RIMS2: variants seen among roughly 807,000 people sequenced by gnomAD.
The protein encoded by RIMS2 is regulating synaptic membrane exocytosis 2.
In RIMS2, 59 loss-of-function variants were observed where a neutral mutation model predicts 174.4. That is an observed-to-expected ratio of 0.34 (90% CI 0.27 to 0.42). The LOEUF is 0.42. Ranked by LOEUF, RIMS2 falls within the 10% of genes least tolerant of loss-of-function variation. The pLI is 1.00. For missense variants in RIMS2, 1,620 were observed against 1,666.3 expected (o/e 0.97, Z 0.48); for synonymous variants, 606 against 572.5 (o/e 1.06, Z -0.84).
intron 19 of RIMS2, among the ~76,000 whole-genome samples, chr8:104,198,543 C>T (rs536580323): frequency 6.6e-6 from 1 of 152,306 alleles, no homozygotes; most frequent in South Asian, 2.1e-4. Flanking sequence ...ACAAGAGTCA[C>T]AATTGAAATA....
Position 104,151,703 on chromosome 8 carries a change from A to G in RIMS2, c.3335-93213A>G, listed in dbSNP as rs184699834. Among the ~76,000 whole-genome samples, 500 of 152,340 alleles carry G rather than the reference A, an allele frequency of 3.3e-3. 4 individuals are homozygous for G. The highest frequency in any genetic ancestry group is 0.011 in the African/African-American group (459 of 41,574). ...TGGAAATGTCTAGAACATTTAAATA[A>G]ACACTTTTGAAGCTTGTGTCAGAAG... On this transcript the variant is annotated intron_variant, in intron 19 of 23. Transcript: ENST00000504942.
At chr8:103,923,937 T>C (rs1423226504) in intron 10 of RIMS2, among the ~76,000 whole-genome samples, 2 of 151,724 alleles carry the variant, frequency 1.3e-5, no homozygotes, top group African/African-American at 2.4e-5. Context: ...CTCTTAGTAA[T>C]ATTGTGGACT....
intron 1 of RIMS2, among the ~76,000 whole-genome samples, chr8:103,583,516 G>A (rs2093733072): frequency 6.6e-6 from 1 of 152,000 alleles, no homozygotes; most frequent in South Asian, 2.1e-4. Context: ...GTTGTGTTGA[G>A]GAAACACAGC....
At chr8:103,908,384 A>G (rs576342299) in intron 4 of RIMS2, among the ~76,000 whole-genome samples, 1 of 152,306 alleles carries the variant, frequency 6.6e-6, no homozygotes, top group Admixed American at 6.5e-5. Context: ...TCCTTCTTAT[A>G]TGTCCACTAG....
chr8:103,999,459 A>G (rs1426329545), intron 17 of RIMS2, among the ~76,000 whole-genome samples: 5 of 151,450 alleles, frequency 3.3e-5, no homozygotes, highest in South Asian at 2.1e-4. Context: ...CTAAATAATT[A>G]TCTTTTGTTG....
chr8:104,216,921 A>C (rs2099132353), intron 19 of RIMS2, among the ~76,000 whole-genome samples: 1 of 152,244 alleles, frequency 6.6e-6, no homozygotes, highest in South Asian at 2.1e-4. Context: ...TAATGGAATT[A>C]ACTACCTTAT....
intron 1 of RIMS2, among the ~76,000 whole-genome samples, chr8:103,633,925 T>G (rs1266531129): frequency 6.6e-6 from 1 of 152,182 alleles, no homozygotes; most frequent in African/African-American, 2.4e-5. Context: ...TCTCTTTTCT[T>G]TATTAGTCTA....
At chr8:103,669,183 C>A (rs191996944) in intron 1 of RIMS2, among the ~76,000 whole-genome samples, 1 of 152,048 alleles carries the variant, frequency 6.6e-6, no homozygotes, top group Non-Finnish European at 1.5e-5. Flanking sequence ...GAGAGCCATG[C>A]GAAAGTGTTT....
intron 3 of RIMS2, chr8:103,880,277 G>C: frequency 5.9e-6 from 1 of 169,162 alleles, no homozygotes; most frequent in South Asian, 2.0e-4. Flanking sequence ...TAAGCGTAGT[G>C]CCCAGAAATG....
chr8:104,190,936 T>G (rs79220200), intron 19 of RIMS2, among the ~76,000 whole-genome samples: 1 of 37,152 alleles, frequency 2.7e-5, no homozygotes, highest in South Asian at 6.4e-4. Context: ...TCTTTTTTTG[T>G]TTTTTTTTTT....
At chr8:104,223,278 T>G in intron 19 of RIMS2, 42 of 689,976 alleles carry the variant, frequency 6.1e-5, no homozygotes, top group Middle Eastern at 7.0e-4. Flanking sequence ...CTCCGGCCGC[T>G]GATTGGCGGG....
At chr8:103,692,910 A>G (rs963946270) in intron 1 of RIMS2, among the ~76,000 whole-genome samples, 1 of 152,154 alleles carries the variant, frequency 6.6e-6, no homozygotes. Context: ...TGCTCCCCTC[A>G]TCCACTGGCT....
At chr8:103,536,181 C>A (rs1419766765) in intron 1 of RIMS2, among the ~76,000 whole-genome samples, 1 of 152,166 alleles carries the variant, frequency 6.6e-6, no homozygotes, top group Non-Finnish European at 1.5e-5. Flanking sequence ...TGATAACCTA[C>A]TTTGGTTGTA....
chr8:104,135,562 C>T (rs373932877), intron 19 of RIMS2, among the ~76,000 whole-genome samples: 2 of 147,690 alleles, frequency 1.4e-5, no homozygotes, highest in East Asian at 2.0e-4. Flanking sequence ...GTTGTGATCA[C>T]GCCAGTGCAC....
chr8:103,671,806 T>A (rs1410313854), intron 1 of RIMS2, among the ~76,000 whole-genome samples: 1 of 152,202 alleles, frequency 6.6e-6, no homozygotes, highest in Non-Finnish European at 1.5e-5. Flanking sequence ...TCACATACAA[T>A]TTTGGAACAT....
intron 1 of RIMS2, among the ~76,000 whole-genome samples, chr8:103,547,577 G>A (rs1162525633): frequency 2.0e-5 from 3 of 152,058 alleles, no homozygotes; most frequent in Non-Finnish European, 4.4e-5. Context: ...TAAATTAACA[G>A]CCTAACATCA....
chr8:103,954,898 T>C (rs1339211421), intron 14 of RIMS2, among the ~76,000 whole-genome samples: 1 of 151,872 alleles, frequency 6.6e-6, no homozygotes, highest in Non-Finnish European at 1.5e-5. Context: ...ATAGATGCAG[T>C]AAAAAATGAT....
At chr8:104,009,004 C>T (rs1231401297) in intron 17 of RIMS2, among the ~76,000 whole-genome samples, 1 of 151,920 alleles carries the variant, frequency 6.6e-6, no homozygotes, top group African/African-American at 2.4e-5. Context: ...TTGCAATCCT[C>T]ATAACATTAG....
At chr8:103,878,747 A>G (rs2099153818) in intron 3 of RIMS2, among the ~76,000 whole-genome samples, 1 of 150,220 alleles carries the variant, frequency 6.7e-6, no homozygotes, top group Non-Finnish European at 1.5e-5. Context: ...CAATCTCACT[A>G]CTCATTATTG....
Sources: allele counts gnomAD v4.1 joint callset (sites outside exome capture counted in the v4.1 genomes callset), GRCh38; gene constraint gnomAD v4.1.1; transcripts MANE v1.5; gene names NCBI Gene and HGNC (gene_info 2026-07-23, HGNC 2026-07-21).